Variants in STK3 observed in about 807,000 individuals in gnomAD.
STK3 encodes the protein serine/threonine kinase 3.
STK3 carries 41 observed loss-of-function variants against 58.0 expected under a neutral mutation model. That is an observed-to-expected ratio of 0.71 (90% CI 0.55 to 0.92). STK3 has a LOEUF of 0.92. Ranked by LOEUF, STK3 falls within the 40% of genes least tolerant of loss-of-function variation. The pLI is 0.00. For missense variants in STK3, 479 were observed against 602.7 expected, an observed-to-expected ratio of 0.79 and a Z score of 2.15; for synonymous variants, 170 against 191.0, an observed-to-expected ratio of 0.89 and a Z score of 0.91.
intron 1 of STK3, among the ~76,000 whole-genome samples, chr8:98,914,278 T>G (rs1839258250): frequency 6.6e-6 from 1 of 152,004 alleles, no homozygotes; most frequent in Admixed American, 6.6e-5. Flanking sequence ...ATACCTCATC[T>G]CTACAAAAAA....
chr8:98,555,965 A>C (rs1811556815), intron 8 of STK3, among the ~76,000 whole-genome samples: 2 of 152,120 alleles, frequency 1.3e-5, no homozygotes, highest in African/African-American at 4.8e-5. Context: ...GATTCTTTCC[A>C]AAGTAGAAAT....
intron 1 of STK3, among the ~76,000 whole-genome samples, chr8:98,931,991 A>G (rs1321603485): frequency 6.6e-6 from 1 of 152,214 alleles, no homozygotes; most frequent in African/African-American, 2.4e-5. Flanking sequence ...AGATAATCCA[A>G]ATAAATTCTG....
At chr8:98,617,008 C>G (rs1169393942) in intron 6 of STK3, among the ~76,000 whole-genome samples, 1 of 152,032 alleles carries the variant, frequency 6.6e-6, no homozygotes, top group South Asian at 2.1e-4. Flanking sequence ...ACAGAATATA[C>G]GTTTTTTTCA....
At chr8:98,607,809 G>A (rs1816891411) in intron 6 of STK3, among the ~76,000 whole-genome samples, 1 of 152,120 alleles carries the variant, frequency 6.6e-6, no homozygotes, top group Non-Finnish European at 1.5e-5. Context: ...AAACACAGAT[G>A]GTTTTTGATA....
At chr8:98,530,341 G>A (rs375009462) in intron 9 of STK3, among the ~76,000 whole-genome samples, 16 of 152,222 alleles carry the variant, frequency 1.1e-4, no homozygotes, top group African/African-American at 3.9e-4. Context: ...GTCCCAGTGT[G>A]TGTTGTTCCC....
At chr8:98,938,990 C>T (rs1172398222) in intron 1 of STK3, among the ~76,000 whole-genome samples, 1 of 152,116 alleles carries the variant, frequency 6.6e-6, no homozygotes, top group African/African-American at 2.4e-5. Flanking sequence ...AGAAGGCACC[C>T]GCACTTTTTC....
At chr8:98,650,141 A>G (rs1820764602) in intron 6 of STK3, among the ~76,000 whole-genome samples, 1 of 152,236 alleles carries the variant, frequency 6.6e-6, no homozygotes, top group Non-Finnish European at 1.5e-5. Context: ...TTTGGATATC[A>G]TAAGCATACA....
At chr8:98,803,986 G>C (rs1833751962) in intron 1 of STK3, among the ~76,000 whole-genome samples, 1 of 152,098 alleles carries the variant, frequency 6.6e-6, no homozygotes, top group East Asian at 1.9e-4. Context: ...GCATTGTGCT[G>C]ACACTTAACA....
At chr8:98,679,520 C>T (rs945797436) in intron 6 of STK3, among the ~76,000 whole-genome samples, 4 of 152,176 alleles carry the variant, frequency 2.6e-5, no homozygotes, top group Non-Finnish European at 5.9e-5. Flanking sequence ...CTATCTAAGA[C>T]ACATGATGTA....
At chr8:98,859,399 C>T (rs936862181) in intron 3 of STK3, among the ~76,000 whole-genome samples, 1 of 152,062 alleles carries the variant, frequency 6.6e-6, no homozygotes, top group Admixed American at 6.6e-5. Flanking sequence ...ACAATTTTGG[C>T]CTATATATAA....
intron 10 of STK3, among the ~76,000 whole-genome samples, chr8:98,480,459 T>C (rs1040578733): frequency 2.6e-5 from 4 of 152,116 alleles, no homozygotes; most frequent in Non-Finnish European, 5.9e-5. Flanking sequence ...AGTAAATGGA[T>C]GTAAAAAGAG....
At chr8:98,413,556 G>C (rs1818079049) in intron 3 of STK3, 1 of 656,436 alleles carries the variant, frequency 1.5e-6, no homozygotes, top group African/African-American at 1.8e-5. Flanking sequence ...ATCTAGGTCA[G>C]AGACAGATGA....
At chr8:98,697,225 G>C (rs970384668) in intron 6 of STK3, among the ~76,000 whole-genome samples, 5 of 152,132 alleles carry the variant, frequency 3.3e-5, no homozygotes, top group Non-Finnish European at 7.3e-5. Context: ...ATTTTTTATT[G>C]TGTCTATTTG....
At chr8:98,720,399 A>G (rs1827312996) in intron 4 of STK3, among the ~76,000 whole-genome samples, 1 of 152,206 alleles carries the variant, frequency 6.6e-6, no homozygotes, top group African/African-American at 2.4e-5. Context: ...AATCAATATT[A>G]CTTCCATCCC....
intron 3 of STK3, among the ~76,000 whole-genome samples, chr8:98,757,024 C>G (rs566416471): frequency 6.7e-5 from 10 of 149,294 alleles, no homozygotes; most frequent in Admixed American, 5.3e-4. Context: ...TTCTTCCCCC[C>G]TCTTTCTCTG....
rs1587189788 is a variant in STK3 at position 98,656,321 on chromosome 8, TCTGGGGA to T, written c.684+50139_684+50145del. ...GGACACAGGAAGGGGAACATCACAC[TCTGGGGA>T]CTGTTGTGGGGTGGGAGGTGGGGGG... On this transcript the variant is annotated intron_variant, in intron 6 of 10. Transcript: ENST00000419617. Among the ~76,000 whole-genome samples the T allele has an allele frequency of 2.0e-5, 3 of 151,296 alleles. No individual in the cohort carries two copies. In the East Asian group the frequency reaches 5.8e-4, roughly 29 times the overall value.
At position 98,469,263 on chromosome 8, in the gene STK3, G is replaced by A. The variant is rs980706068; in HGVS notation, c.1318-13263C>T. The stretch of plus-strand genomic sequence containing the variant: ...AAGGCTTTTCTTTGCGGGGGCGGGG[G>A]GGCGGTCTGAGAATGGCGCCAAATT... On this transcript the variant is annotated intron_variant, in intron 10 of 10. Transcript: ENST00000419617. Among the ~76,000 whole-genome samples the A allele has an allele frequency of 2.0e-5, 3 of 148,990 alleles. No individual in the cohort carries two copies. The Admixed American group carries it at 2.0e-4, about 10-fold the overall frequency.
At chr8:98,718,927 T>C (rs1163981660) in intron 4 of STK3, among the ~76,000 whole-genome samples, 3 of 152,340 alleles carry the variant, frequency 2.0e-5, no homozygotes, top group East Asian at 3.9e-4. Flanking sequence ...GAATGTTTTG[T>C]GAACACTTTG....
At chr8:98,830,503 T>C (rs972004117), upstream of STK3, among the ~76,000 whole-genome samples, 5 of 152,240 alleles carry the variant, frequency 3.3e-5, no homozygotes, top group African/African-American at 1.2e-4. Flanking sequence ...AAAAAAATGC[T>C]TCAAGCTTCT....
Sources: allele counts gnomAD v4.1 joint callset (sites outside exome capture counted in the v4.1 genomes callset), GRCh38; gene constraint gnomAD v4.1.1; transcripts MANE v1.5; gene names NCBI Gene and HGNC (gene_info 2026-07-23, HGNC 2026-07-21).